Variants in MAN1C1 observed in about 807,000 individuals in gnomAD.
MAN1C1 encodes the protein mannosyl-oligosaccharide 1,2-alpha-mannosidase IC.
A neutral mutation model predicts 71.5 loss-of-function variants in MAN1C1; 49 were observed. The ratio of observed to expected loss-of-function variants is 0.69; its 90% confidence interval spans 0.54 to 0.87. The LOEUF is 0.87. Among genes scored for constraint, MAN1C1 ranks in the 40% least tolerant of loss-of-function variants. The pLI, the probability that MAN1C1 is intolerant of heterozygous loss-of-function variation, is 0.00. For synonymous variants in MAN1C1, 352 were observed against 343.7 expected (o/e 1.02, Z -0.27); for missense variants, 743 against 835.0 (o/e 0.89, Z 1.36).
chr1:25,679,951 ATATATAT>A lies in MAN1C1; in HGVS notation c.541-6488_541-6482del, dbSNP rs753445170. Among the ~76,000 whole-genome samples, 603 of 112,862 alleles carry A rather than the reference ATATATAT, an allele frequency of 5.3e-3. 20 individuals carry two copies. The East Asian group carries it at 0.059, about 11-fold the overall frequency. The allele number at this position is 112,862 out of a possible 152,430, so 74.0% of individuals were successfully genotyped here. A position where few individuals can be genotyped will look rare whatever the true frequency, so the allele number is the denominator to read the frequency against. ...GACCTCTGTCTCAAAAAAAAAAAAA[ATATATAT>A]ATATATATATATATATATATACACA... On this transcript the variant is annotated intron_variant, in intron 1 of 11. Transcript: ENST00000374332.
rs1207656231 is a variant in MAN1C1 at position 25,746,351 on chromosome 1, G to A, written c.638-317G>A. 6.6e-6 allele frequency among the ~76,000 whole-genome samples: 1 copy of A among 152,230 alleles called. No individual in the cohort carries two copies. The highest frequency in any genetic ancestry group is 1.5e-5 in the Non-Finnish European group (1 of 68,040). ...TTTATATGCCAAAGCAGAGAAAAGT[G>A]GGTGGCTGATTGGCACTGATAGTTG... On this transcript the variant is annotated intron_variant, in intron 2 of 11. Coordinates refer to ENST00000374332, the MANE Select transcript of MAN1C1 (RefSeq NM_020379.4). The surrounding 1 kb of genome is among the most constrained non-coding windows in gnomAD (Gnocchi z 4.0).
Position 25,742,363 on chromosome 1 carries a change from C to T in MAN1C1, c.638-4305C>T, listed in dbSNP as rs927136868. Among the ~76,000 whole-genome samples the T allele has an allele frequency of 4.6e-5, 7 of 152,298 alleles. No homozygotes were observed. In the East Asian group the frequency reaches 1.2e-3, roughly 25 times the overall value. Reference sequence around the variant, plus strand: ...GATAGGAGGACCCTTTTGGAGGCAACTACACAACCAGATCAGGTAGTGATG... The same window carrying T: ...GATAGGAGGACCCTTTTGGAGGCAATTACACAACCAGATCAGGTAGTGATG... On this transcript the variant is annotated intron_variant, in intron 2 of 11. Transcript: ENST00000374332.
intron 2 of MAN1C1, among the ~76,000 whole-genome samples, chr1:25,745,441 G>A (rs531621866): frequency 2.0e-5 from 3 of 152,040 alleles, no homozygotes; most frequent in South Asian, 2.1e-4. Context: ...TAGTCAGTGG[G>A]TCATACCAGA....
intron 1 of MAN1C1, among the ~76,000 whole-genome samples, chr1:25,636,585 T>G (rs547893004): frequency 2.6e-5 from 4 of 152,340 alleles, no homozygotes; most frequent in African/African-American, 9.6e-5. Context: ...TGAAAATTGC[T>G]GTTACTCTGT....
intron 2 of MAN1C1, among the ~76,000 whole-genome samples, chr1:25,717,350 A>G (rs1302189281): frequency 6.6e-6 from 1 of 152,022 alleles, no homozygotes; most frequent in Non-Finnish European, 1.5e-5. Context: ...GTCTTTACAA[A>G]AAAAAGAAAA....
intron 1 of MAN1C1, among the ~76,000 whole-genome samples, chr1:25,660,063 G>C (rs925053786): frequency 1.4e-4 from 21 of 152,232 alleles, no homozygotes; most frequent in African/African-American, 5.1e-4. Flanking sequence ...TAATTGCCTA[G>C]ACTTAGGAAA....
At chr1:25,635,457 T>C (rs1473127830) in intron 1 of MAN1C1, among the ~76,000 whole-genome samples, 2 of 145,890 alleles carry the variant, frequency 1.4e-5, no homozygotes, top group Non-Finnish European at 3.0e-5. Flanking sequence ...TTTTTTTTTA[T>C]GTGTGTGTGT....
intron 4 of MAN1C1, among the ~76,000 whole-genome samples, chr1:25,750,252 C>G (rs1008278126): frequency 5.9e-5 from 9 of 152,182 alleles, no homozygotes; most frequent in Non-Finnish European, 1.0e-4. Flanking sequence ...TTTTGAAAAC[C>G]ACAGAGCTCT....
At chr1:25,643,249 A>ATTT (rs201600354) in intron 1 of MAN1C1, among the ~76,000 whole-genome samples, 3,717 of 122,078 alleles carry the variant, frequency 0.03, 142 homozygotes, top group African/African-American at 0.11. Flanking sequence ...TTAATTAATT[A>ATTT]ATTAATTTAT....
intron 1 of MAN1C1, among the ~76,000 whole-genome samples, chr1:25,667,215 G>T (rs2045936092): frequency 6.6e-6 from 1 of 152,106 alleles, no homozygotes. Context: ...TGGGAGTGGT[G>T]GCTCACACCT....
intron 2 of MAN1C1, among the ~76,000 whole-genome samples, chr1:25,717,363 TTA>T (rs200519062): frequency 3.4e-4 from 52 of 151,438 alleles, no homozygotes; most frequent in African/African-American, 1.1e-3. Flanking sequence ...AAAGAAAAAA[TTA>T]TATATATATA....
chr1:25,653,769 T>A lies in MAN1C1; in HGVS notation c.541-32671T>A, dbSNP rs1281274347. ...TCCCTAGAGGGCAGGGGATCAGGCATGTTTGGGAGGGCAGAGCAGGGCCAG... is the reference window on the plus strand; with the variant it reads ...TCCCTAGAGGGCAGGGGATCAGGCAAGTTTGGGAGGGCAGAGCAGGGCCAG... On this transcript the variant is annotated intron_variant, in intron 1 of 11. Coordinates refer to ENST00000374332, the MANE Select transcript of MAN1C1 (RefSeq NM_020379.4). Among the ~76,000 whole-genome samples the A allele has an allele frequency of 2.6e-5, 4 of 152,068 alleles. No individual in the cohort carries two copies. In the East Asian group the frequency reaches 7.7e-4, roughly 29 times the overall value.
chr1:25,743,754 G>A lies in MAN1C1; in HGVS notation c.638-2914G>A, dbSNP rs144486211. Reference sequence around the variant, plus strand: ...CCCAGCCTGATCTAGAGGAAGAAGGGCGCATGGGGTGAAAACACCAGGGAG... The same window carrying A: ...CCCAGCCTGATCTAGAGGAAGAAGGACGCATGGGGTGAAAACACCAGGGAG... On this transcript the variant is annotated intron_variant, in intron 2 of 11. Coordinates refer to ENST00000374332, the MANE Select transcript of MAN1C1 (RefSeq NM_020379.4). Among the ~76,000 whole-genome samples, 196 of 152,332 alleles carry A rather than the reference G, an allele frequency of 1.3e-3. 1 individual carries two copies. Among genetic ancestry groups the A allele is most frequent in the African/African-American group, 4.6e-3 (190 of 41,580 alleles).
intron 9 of MAN1C1, 110 bp from the exon 10 acceptor site, chr1:25,780,830 A>C (rs807274): frequency 0.82 from 949,638 of 1,161,874 alleles, 390,341 homozygotes; most frequent in East Asian, 0.98. Flanking sequence ...ACCCACACAC[A>C]CCTGACATCA....
intron 1 of MAN1C1, among the ~76,000 whole-genome samples, chr1:25,647,121 T>TG (rs1390288556): frequency 6.6e-6 from 1 of 152,070 alleles, no homozygotes; most frequent in Non-Finnish European, 1.5e-5. Flanking sequence ...TGACCCTCAG[T>TG]GGAGGGTTGC....
intron 7 of MAN1C1, among the ~76,000 whole-genome samples, chr1:25,768,521 T>C (rs866195691): frequency 1.9e-3 from 37 of 19,922 alleles, no homozygotes; most frequent in Admixed American, 3.5e-3. Flanking sequence ...TCCCCTCACA[T>C]ACATCCACAC....
intron 2 of MAN1C1, among the ~76,000 whole-genome samples, chr1:25,713,947 C>T (rs567729751): frequency 1.3e-5 from 2 of 152,158 alleles, no homozygotes; most frequent in African/African-American, 4.8e-5. Flanking sequence ...TGTAGCCCCT[C>T]CTCAAATAGA....
intron 2 of MAN1C1, among the ~76,000 whole-genome samples, chr1:25,736,019 A>G (rs2046978377): frequency 2.0e-5 from 3 of 152,172 alleles, no homozygotes; most frequent in Admixed American, 6.5e-5. Context: ...ACAACCATCT[A>G]ATTTCCCCAG....
Position 25,740,505 on chromosome 1 carries a change from C to T in MAN1C1, c.638-6163C>T, listed in dbSNP as rs566336490. Among the ~76,000 whole-genome samples the T allele has an allele frequency of 5.9e-5, 9 of 152,252 alleles. No individual in the cohort carries two copies. In the South Asian group the frequency reaches 1.7e-3, roughly 28 times the overall value. On this transcript the variant is annotated intron_variant, in intron 2 of 11. Transcript: ENST00000374332. ...AGGTTGAAGTGCAGTGGCGCTATCT[C>T]GGCTCACTGCAAGCTCCGCCTCCCG...
Sources: allele counts gnomAD v4.1 joint callset (sites outside exome capture counted in the v4.1 genomes callset), GRCh38; gene constraint gnomAD v4.1.1; non-coding constraint Gnocchi (gnomAD v3.1); transcripts MANE v1.5; gene names NCBI Gene and HGNC (gene_info 2026-07-23, HGNC 2026-07-21).